The following SERAC1 variants were observed in gnomAD, a reference collection of about 807,000 sequenced individuals.
SERAC1 encodes serine active site containing 1.
In SERAC1, 36 loss-of-function variants were observed where a neutral mutation model predicts 85.7. The observed-to-expected ratio is 0.42, with a 90% CI of 0.32 to 0.55. The LOEUF (loss-of-function observed/expected upper bound fraction) is 0.55. Ranked by LOEUF, SERAC1 falls within the 20% of genes least tolerant of loss-of-function variation. The pLI is 0.11. For missense variants in SERAC1, 629 were observed against 796.2 expected (o/e 0.79, Z 2.53); for synonymous variants, 242 against 265.3 (o/e 0.91, Z 0.85).
intron 3 of SERAC1, among the ~76,000 whole-genome samples, chr6:158,151,810 G>C (rs2128422789): frequency 1.3e-5 from 2 of 152,030 alleles, no homozygotes; most frequent in African/African-American, 4.8e-5. Flanking sequence ...CAACGTGTTT[G>C]TGTTTTAAGC....
In SERAC1 at chr6:158,110,430, G is replaced by A. The variant is rs1455195323; in HGVS notation, c.*936C>T. ...AAAAATGAATTGTATAATTTAAAAGGGTGAATCTTATGGTATGTAAATTAT... is the reference window on the plus strand; with the variant it reads ...AAAAATGAATTGTATAATTTAAAAGAGTGAATCTTATGGTATGTAAATTAT... On this transcript the variant is annotated 3_prime_UTR_variant, in exon 17 of 17. Coordinates refer to ENST00000647468, the MANE Select transcript of SERAC1 (RefSeq NM_032861.4). 3 of 152,076 alleles carry A rather than the reference G, an allele frequency of 2.0e-5. No individual in the cohort carries two copies. In the East Asian group the frequency reaches 5.8e-4, roughly 29 times the overall value. 9.4% of individuals were successfully genotyped at this position (152,076 alleles called of 1,614,324 possible).
At position 158,120,884 on chromosome 6, in the gene SERAC1, C is replaced by T. The variant is rs1437674761; in HGVS notation, c.1016-309G>A. ...TTCATAGCAGTTATAGAGGTGTTCA[C>T]AAAAGTGAACAAAATACCATGATGT... On this transcript the variant is annotated intron_variant, in intron 10 of 16. Transcript: ENST00000647468. The surrounding 1 kb of genome is among the most constrained non-coding windows in gnomAD (Gnocchi z 4.4). Among the ~76,000 whole-genome samples, 1 of 152,052 alleles carries T rather than the reference C, an allele frequency of 6.6e-6. No individual in the cohort carries two copies. Among genetic ancestry groups the T allele is most frequent in the African/African-American group, 2.4e-5 (1 of 41,408 alleles).
chr6:158,140,876 T>C (rs972580011), intron 8 of SERAC1, among the ~76,000 whole-genome samples: 1 of 152,078 alleles, frequency 6.6e-6, no homozygotes, highest in African/African-American at 2.4e-5. Context: ...TGTTAAGTGG[T>C]GTGAGAAAGT....
At chr6:158,118,961 C>G in intron 12 of SERAC1, 68 bp downstream of exon 12, 1 of 1,533,930 alleles carries the variant, frequency 6.5e-7, no homozygotes, top group Non-Finnish European at 8.8e-7. Flanking sequence ...GAAAAACAAG[C>G]AAGCCACAAT....
chr6:158,162,844 A>C (rs765911726), intron 1 of SERAC1, among the ~76,000 whole-genome samples: 1 of 152,094 alleles, frequency 6.6e-6, no homozygotes, highest in Non-Finnish European at 1.5e-5. Flanking sequence ...ATTTTTTTTA[A>C]TGGCCACAAA....
chr6:158,159,872 C>T (rs555106645), intron 1 of SERAC1, among the ~76,000 whole-genome samples: 16 of 152,146 alleles, frequency 1.1e-4, no homozygotes, highest in Admixed American at 5.2e-4. Flanking sequence ...GTGATCCACC[C>T]GCCTCGGCCT....
At chr6:158,124,240 G>A (rs1305001693) in intron 10 of SERAC1, among the ~76,000 whole-genome samples, 1 of 151,994 alleles carries the variant, frequency 6.6e-6, no homozygotes, top group East Asian at 1.9e-4. Flanking sequence ...CTGTAGATAG[G>A]TCAATAGAAA....
At chr6:158,125,897 A>T (rs1391309686) in intron 10 of SERAC1, among the ~76,000 whole-genome samples, 1 of 152,172 alleles carries the variant, frequency 6.6e-6, no homozygotes, top group African/African-American at 2.4e-5. Context: ...ACACAGTATA[A>T]AAAGCCAAAA....
intron 4 of SERAC1, 25 bp downstream of exon 4, chr6:158,150,428 G>A (rs1433649126): frequency 2.9e-5 from 45 of 1,525,430 alleles, no homozygotes; most frequent in Non-Finnish European, 4.1e-5. Flanking sequence ...ATTTTTCACA[G>A]AGGATTACTT....
chr6:158,115,557 CAG>C (rs1452588370), intron 14 of SERAC1, among the ~76,000 whole-genome samples: 4 of 152,230 alleles, frequency 2.6e-5, no homozygotes, highest in South Asian at 2.1e-4. Flanking sequence ...ATCCCCACCT[CAG>C]AGGCAATCCT....
chr6:158,160,150 C>T (rs936176418), intron 1 of SERAC1, among the ~76,000 whole-genome samples: 2 of 151,910 alleles, frequency 1.3e-5, no homozygotes, highest in African/African-American at 2.4e-5. Context: ...TCTACCAGTA[C>T]GAGAGGGGTT....
chr6:158,110,577 T>C lies in SERAC1; in HGVS notation c.*789A>G, dbSNP rs1784121437. ...GAGCAAGGAAGAAGAAAGGTTTATT[T>C]AGCCAAAGAGAATCTGAGAATCTTG... On this transcript the variant is annotated 3_prime_UTR_variant, in exon 17 of 17. Transcript: ENST00000647468. 6.6e-6 allele frequency: 1 copy of C among 152,204 alleles called. No individual in the cohort carries two copies. The highest frequency in any genetic ancestry group is 2.4e-5 in the African/African-American group (1 of 41,440). The allele number at this position is 152,204 out of a possible 1,614,324, so 9.4% of individuals were successfully genotyped here.
chr6:158,144,134 C>T (rs1388877417), intron 7 of SERAC1, among the ~76,000 whole-genome samples, 165 bp downstream of exon 7: 1 of 152,146 alleles, frequency 6.6e-6, no homozygotes, highest in African/African-American at 2.4e-5. Flanking sequence ...TCCTGAGGAA[C>T]CAAATCTTTG....
At chr6:158,133,151 T>C (rs1313252633) in intron 8 of SERAC1, among the ~76,000 whole-genome samples, 1 of 151,704 alleles carries the variant, frequency 6.6e-6, no homozygotes, top group Non-Finnish European at 1.5e-5. Context: ...TACAAAAAAT[T>C]AGCTGGGCAA....
intron 16 of SERAC1, chr6:158,112,421 A>G (rs1784167227): frequency 6.6e-6 from 1 of 150,564 alleles, no homozygotes; most frequent in Non-Finnish European, 1.5e-5. Flanking sequence ...TCTTAAAAAC[A>G]AAAACAAAAA....
intron 8 of SERAC1, 51 bp downstream of exon 8, chr6:158,143,005 T>C (rs369315752): frequency 1.4e-6 from 2 of 1,445,248 alleles, no homozygotes; most frequent in Admixed American, 1.8e-5. Flanking sequence ...CACAATACAT[T>C]GGAAAGGGTG....
intron 10 of SERAC1, among the ~76,000 whole-genome samples, chr6:158,125,958 C>T (rs1236445433): frequency 6.6e-6 from 1 of 151,716 alleles, no homozygotes; most frequent in Non-Finnish European, 1.5e-5. Context: ...TACAAGAAGT[C>T]AGAAAAAAGA....
intron 8 of SERAC1, among the ~76,000 whole-genome samples, chr6:158,141,460 T>C (rs1784913114): frequency 6.6e-6 from 1 of 152,216 alleles, no homozygotes; most frequent in Non-Finnish European, 1.5e-5. Flanking sequence ...ACTAGTTGAA[T>C]TGGAAATATC....
At chr6:158,116,411 C>A in intron 13 of SERAC1, 129 bp from the exon 14 acceptor site, 1 of 668,072 alleles carries the variant, frequency 1.5e-6, no homozygotes, top group Non-Finnish European at 2.6e-6. Context: ...GTAAGAAATA[C>A]CCCCATTCTC....
Sources: allele counts gnomAD v4.1 joint callset (sites outside exome capture counted in the v4.1 genomes callset), GRCh38; gene constraint gnomAD v4.1.1; non-coding constraint Gnocchi (gnomAD v3.1); transcripts MANE v1.5; gene names NCBI Gene and HGNC (gene_info 2026-07-23, HGNC 2026-07-21).